CCDC7: variants seen among roughly 807,000 people sequenced by gnomAD.
The protein encoded by CCDC7 is coiled-coil domain-containing protein 7.
A neutral mutation model predicts 196.9 loss-of-function variants in CCDC7; 183 were observed. The observed-to-expected ratio is 0.93, with a 90% CI of 0.82 to 1.05. The LOEUF is 1.05. Among genes scored for constraint, CCDC7 ranks in the 50% least tolerant of loss-of-function variants. The pLI is 0.00. For synonymous variants in CCDC7, 525 were observed against 484.6 expected (o/e 1.08, Z -1.10); for missense variants, 1,540 against 1,482.2 (o/e 1.04, Z -0.64).
At chr10:32,448,349 T>C (rs1201566167), upstream of CCDC7, among the ~76,000 whole-genome samples, 1 of 151,894 alleles carries the variant, frequency 6.6e-6, no homozygotes, top group Non-Finnish European at 1.5e-5. Context: ...CTTACACATA[T>C]ATATGATTCT....
chr10:32,572,866 CTT>C (rs576270039), intron 16 of CCDC7, among the ~76,000 whole-genome samples: 6 of 90,356 alleles, frequency 6.6e-5, no homozygotes, highest in African/African-American at 1.8e-4. Context: ...AAGCATGGTG[CTT>C]TTTTTTTTTT....
intron 20 of CCDC7, among the ~76,000 whole-genome samples, chr10:32,641,190 T>G (rs1184417421): frequency 6.6e-6 from 1 of 152,180 alleles, no homozygotes; most frequent in Non-Finnish European, 1.5e-5. Flanking sequence ...TGAATTTGAA[T>G]GTTGGCCTGC....
chr10:32,844,092 T>C (rs553793416), intron 33 of CCDC7, among the ~76,000 whole-genome samples: 47 of 152,106 alleles, frequency 3.1e-4, no homozygotes, highest in African/African-American at 1.1e-3. Context: ...AACAACTTTC[T>C]CTCACAAAAT....
At chr10:32,503,921 G>T (rs2044457354) in intron 9 of CCDC7, among the ~76,000 whole-genome samples, 1 of 151,642 alleles carries the variant, frequency 6.6e-6, no homozygotes, top group Non-Finnish European at 1.5e-5. Context: ...TTTGTTTGTG[G>T]TAGTTTCTTA....
At chr10:32,675,721 A>G (rs1292115277) in intron 21 of CCDC7, 2 of 152,504 alleles carry the variant, frequency 1.3e-5, no homozygotes, top group East Asian at 3.9e-4. Flanking sequence ...ACCACTGCTC[A>G]ATGAAATAAA....
chr10:32,804,713 G>A (rs949567960), intron 29 of CCDC7, among the ~76,000 whole-genome samples: 1 of 152,088 alleles, frequency 6.6e-6, no homozygotes, highest in Admixed American at 6.6e-5. Flanking sequence ...TTACAGATAA[G>A]CACTGTTCAA....
At chr10:32,648,957 C>T (rs542913361) in intron 20 of CCDC7, among the ~76,000 whole-genome samples, 7 of 152,252 alleles carry the variant, frequency 4.6e-5, no homozygotes, top group African/African-American at 1.4e-4. Context: ...TACATATATT[C>T]CATGGAATAC....
chr10:32,844,748 T>A (rs745877256), intron 33 of CCDC7, among the ~76,000 whole-genome samples: 3 of 151,830 alleles, frequency 2.0e-5, no homozygotes, highest in Non-Finnish European at 4.4e-5. Context: ...TCATGAAGCA[T>A]CTCTGAACTT....
chr10:32,481,329 C>G (rs1033755688), intron 8 of CCDC7, among the ~76,000 whole-genome samples: 27 of 152,102 alleles, frequency 1.8e-4, no homozygotes, highest in African/African-American at 6.0e-4. Context: ...TAAGGACTTA[C>G]TATTGCCATT....
At chr10:32,597,520 C>T (rs944104666) in intron 18 of CCDC7, among the ~76,000 whole-genome samples, 1 of 152,154 alleles carries the variant, frequency 6.6e-6, no homozygotes, top group Non-Finnish European at 1.5e-5. Context: ...AGTCTTGTCT[C>T]GACTCATCAA....
chr10:32,443,894 T>C (rs2030466280), upstream of CCDC7, among the ~76,000 whole-genome samples: 1 of 152,170 alleles, frequency 6.6e-6, no homozygotes, highest in Admixed American at 6.5e-5. Context: ...GACATAGACT[T>C]AAAAAGTTGA....
At chr10:32,837,805 C>A (rs889196136) in intron 33 of CCDC7, among the ~76,000 whole-genome samples, 1 of 151,812 alleles carries the variant, frequency 6.6e-6, no homozygotes, top group Admixed American at 6.6e-5. Flanking sequence ...AACCATCATT[C>A]TCAGCAAACT....
intron 20 of CCDC7, among the ~76,000 whole-genome samples, chr10:32,659,740 T>A (rs745994749): frequency 5.3e-5 from 8 of 152,164 alleles, no homozygotes; most frequent in Non-Finnish European, 1.0e-4. Flanking sequence ...TTAACATCAC[T>A]GATCATTAGA....
At chr10:32,718,913 A>G (rs10827112) in intron 25 of CCDC7, among the ~76,000 whole-genome samples, 21,067 of 152,246 alleles carry the variant, frequency 0.14, 1,761 homozygotes, top group East Asian at 0.25. Context: ...GCTCATGGAT[A>G]GGAATAATCA....
intron 18 of CCDC7, among the ~76,000 whole-genome samples, chr10:32,592,504 A>G (rs1046114529): frequency 2.6e-5 from 4 of 151,942 alleles, no homozygotes; most frequent in Non-Finnish European, 2.9e-5. Flanking sequence ...GCTGCATCTT[A>G]TAAGTTTTAG....
intron 28 of CCDC7, among the ~76,000 whole-genome samples, chr10:32,736,353 T>A (rs993544542): frequency 1.3e-5 from 2 of 152,192 alleles, no homozygotes; most frequent in African/African-American, 4.8e-5. Context: ...AATCAGAGTA[T>A]TTTAGTTTTC....
intron 9 of CCDC7, among the ~76,000 whole-genome samples, chr10:32,496,200 G>T (rs191680437): frequency 6.6e-6 from 1 of 152,132 alleles, no homozygotes; most frequent in Admixed American, 6.5e-5. Context: ...TCTGTTCTTG[G>T]TGTATAGGAA....
intron 18 of CCDC7, among the ~76,000 whole-genome samples, chr10:32,621,701 G>A (rs1031287614): frequency 6.6e-6 from 1 of 152,126 alleles, no homozygotes; most frequent in African/African-American, 2.4e-5. Context: ...GGAATCTGAA[G>A]GCCCAACAAC....
At chr10:32,628,619 G>T (rs2064389900) in intron 18 of CCDC7, among the ~76,000 whole-genome samples, 1 of 151,608 alleles carries the variant, frequency 6.6e-6, no homozygotes, top group Admixed American at 6.6e-5. Context: ...CATCTTTTTT[G>T]ATATAGACAT....
Sources: gnomAD v4.1 joint callset for allele counts (sites outside exome capture counted in the v4.1 genomes callset) on GRCh38, gnomAD v4.1.1 for gene constraint, MANE v1.5 for transcripts, NCBI Gene and HGNC (gene_info 2026-07-23, HGNC 2026-07-21) for gene names.